Variants in ALPK2 observed in about 807,000 individuals in gnomAD.
ALPK2 encodes the protein alpha-protein kinase 2.
In ALPK2, 127 loss-of-function variants were observed where a neutral mutation model predicts 163.1. The ratio of observed to expected loss-of-function variants is 0.78; its 90% CI spans 0.67 to 0.90. The LOEUF is 0.90. ALPK2 is among the 40% of genes least tolerant of loss of function. The pLI, the probability that ALPK2 is intolerant of heterozygous loss-of-function variation, is 0.00. For synonymous variants in ALPK2, 953 were observed against 959.1 expected, an observed-to-expected ratio of 0.99 and a Z score of 0.12; for missense variants, 2,360 against 2,589.6, an observed-to-expected ratio of 0.91 and a Z score of 1.92.
chr18:58,609,490 A>G (rs2052116569), intron 2 of ALPK2, among the ~76,000 whole-genome samples: 1 of 152,188 alleles, frequency 6.6e-6, no homozygotes, highest in Non-Finnish European at 1.5e-5. Flanking sequence ...AAGAAAATAC[A>G]TAAAATATTC....
intron 1 of ALPK2, among the ~76,000 whole-genome samples, chr18:58,613,322 G>A (rs78842771): frequency 0.038 from 5,846 of 152,180 alleles, 135 homozygotes; most frequent in Middle Eastern, 0.061. Flanking sequence ...TGCAGGGCCC[G>A]GTTCAAGATG....
At chr18:58,620,214 C>T (rs572484183) in intron 1 of ALPK2, among the ~76,000 whole-genome samples, 111 of 152,086 alleles carry the variant, frequency 7.3e-4, no homozygotes, top group Non-Finnish European at 1.3e-3. Context: ...TTTCTTGAAC[C>T]CGGGAGGTGG....
rs1364746053 is a variant in ALPK2, at chr18:58,578,962, G to T, written c.1814C>A (p.Ser605Ter). 1.2e-6 allele frequency: 2 copies of T among 1,614,094 alleles called. No individual in the cohort carries two copies. The highest frequency in any genetic ancestry group is 1.7e-6 in the Non-Finnish European group (2 of 1,180,046). ...TTTTGCTTCTTGCTCTGCCTGGGTT[G>T]AAATAGCACATTCTCTTGCATCAGC... ...SHADARECAI[S>*]TQAEQEAKTL... The change falls in exon 4 of 13, where the codon TCA becomes TAA. Residue 605 changes from serine to a stop codon, truncating the protein, a stop_gained. Transcript: ENST00000361673. LOFTEE classifies it high-confidence loss of function.
intron 1 of ALPK2, among the ~76,000 whole-genome samples, chr18:58,615,466 A>G (rs2052161623): frequency 6.6e-6 from 1 of 152,202 alleles, no homozygotes; most frequent in African/African-American, 2.4e-5. Context: ...CTACCTTCTC[A>G]TCTGTAAAAG....
chr18:58,608,957 C>CAAAAA (rs1003841164), intron 2 of ALPK2, among the ~76,000 whole-genome samples: 1 of 117,076 alleles, frequency 8.5e-6, no homozygotes. Context: ...GACCTTGTCT[C>CAAAAA]AAAAAAAAAA....
At chr18:58,569,592 G>A (rs964475283) in intron 4 of ALPK2, among the ~76,000 whole-genome samples, 2 of 152,160 alleles carry the variant, frequency 1.3e-5, no homozygotes, top group African/African-American at 2.4e-5. Flanking sequence ...TACACCAAGA[G>A]TTGCACAACT....
intron 4 of ALPK2, among the ~76,000 whole-genome samples, chr18:58,560,168 G>A (rs141663203): frequency 5.1e-4 from 78 of 152,266 alleles, no homozygotes; most frequent in African/African-American, 1.7e-3. Context: ...GTTCTTTCCC[G>A]CACCGTTCTC....
rs1237158818 is a variant in ALPK2, at chr18:58,535,799, C to T, written c.4388G>A (p.Ser1463Asn). Residue 1463 changes from serine to asparagine, a missense_variant, in exon 5 of 13, where the codon AGT (serine) becomes AAT (asparagine). By Grantham distance (46) the Ser-to-Asn change is conservative. Transcript: ENST00000361673. Reference sequence around the variant, plus strand: ...TTGGCTTCTGCTGATTCTATTTTCACTCAGAATGGTTCCCTGGAGACATGG... The same window carrying T: ...TTGGCTTCTGCTGATTCTATTTTCATTCAGAATGGTTCCCTGGAGACATGG... ...QVPCLQGTIL[S>N]ENRISRSQEG... 3 of 1,614,140 alleles carry T rather than the reference C, an allele frequency of 1.9e-6. No individual in the cohort carries two copies. The highest frequency in any genetic ancestry group is 1.3e-5 in the African/African-American group (1 of 74,960).
At chr18:58,611,980 T>C (rs1281610307) in intron 1 of ALPK2, among the ~76,000 whole-genome samples, 163 bp from the exon 2 acceptor site, 1 of 152,214 alleles carries the variant, frequency 6.6e-6, no homozygotes, top group Non-Finnish European at 1.5e-5. Context: ...GTGGTGCTGC[T>C]GGTAGGTGGG....
At chr18:58,582,152 GCA>G (rs2051961990) in intron 3 of ALPK2, among the ~76,000 whole-genome samples, 1 of 152,192 alleles carries the variant, frequency 6.6e-6, no homozygotes, top group African/African-American at 2.4e-5. Flanking sequence ...TTGGCCAAGA[GCA>G]CACATAGAAT....
intron 3 of ALPK2, among the ~76,000 whole-genome samples, chr18:58,605,811 G>A (rs1052437545): frequency 2.2e-4 from 33 of 152,250 alleles, no homozygotes; most frequent in Admixed American, 2.1e-3. Context: ...TACTGGAGTG[G>A]TAAGGGGAAG....
At chr18:58,545,238 C>G (rs868854264) in intron 4 of ALPK2, 1 of 147,230 alleles carries the variant, frequency 6.8e-6, no homozygotes. Context: ...AAAAAAAACA[C>G]ACACACACAC....
At chr18:58,523,249 A>AT (rs1443406179) in intron 8 of ALPK2, among the ~76,000 whole-genome samples, 4 of 151,466 alleles carry the variant, frequency 2.6e-5, no homozygotes, top group African/African-American at 9.7e-5. Flanking sequence ...TGAACTCATC[A>AT]TTTTTTATGG....
intron 2 of ALPK2, among the ~76,000 whole-genome samples, chr18:58,608,206 A>C (rs1276399702): frequency 1.3e-5 from 2 of 152,372 alleles, no homozygotes; most frequent in African/African-American, 4.8e-5. Context: ...AGGAGAACAA[A>C]GTAGATTTGC....
chr18:58,499,436 T>C (rs1327874546), intron 11 of ALPK2, among the ~76,000 whole-genome samples: 1 of 152,172 alleles, frequency 6.6e-6, no homozygotes, highest in Non-Finnish European at 1.5e-5. Flanking sequence ...AGTCTCAGCC[T>C]GCATCCTGAA....
intron 12 of ALPK2, among the ~76,000 whole-genome samples, chr18:58,482,816 A>G (rs57807109): frequency 0.14 from 21,377 of 152,188 alleles, 1,628 homozygotes; most frequent in Middle Eastern, 0.24. Flanking sequence ...GTGCTCCTTG[A>G]ATGGACAGCT....
At chr18:58,578,759 C>A in intron 4 of ALPK2, 55 bp downstream of exon 4, 5 of 1,527,546 alleles carry the variant, frequency 3.3e-6, no homozygotes, top group Non-Finnish European at 4.4e-6. Flanking sequence ...CACACACACA[C>A]ACACACACAC....
chr18:58,578,738 A>ACACACGCGCGCACGCGCGCG (rs138127797), intron 4 of ALPK2, 76 bp downstream of exon 4: 76,865 of 891,360 alleles, frequency 0.086, 2,899 homozygotes, highest in East Asian at 0.2. Flanking sequence ...GAAGAGACAC[A>ACACACGCGCGCACGCGCGCG]CACACACACA....
chr18:58,537,360 T>A lies in ALPK2; in HGVS notation c.2827A>T (p.Thr943Ser), dbSNP rs765361855. 1 of 1,614,066 alleles carries A rather than the reference T, an allele frequency of 6.2e-7. No individual in the cohort carries two copies. Among genetic ancestry groups the A allele is most frequent in the Non-Finnish European group, 8.5e-7 (1 of 1,179,948 alleles). Residue 943 changes from threonine to serine, a missense_variant, in exon 5 of 13, where the codon ACA (threonine) becomes TCA (serine). Coordinates refer to ENST00000361673, the MANE Select transcript of ALPK2 (RefSeq NM_052947.4). ...TTGTTCTCAGAAGAAAGGAGCTGTG[T>A]TTCATCAAGCCCTCCTGAGTTGCTG... is the stretch of plus-strand genomic sequence containing the variant. Reference protein sequence around the residue: ...SPSNSGGLDETQLLSSENNPL... With the variant: ...SPSNSGGLDESQLLSSENNPL...
Sources: gnomAD v4.1 joint callset for allele counts (sites outside exome capture counted in the v4.1 genomes callset) on GRCh38, gnomAD v4.1.1 for gene constraint, MANE v1.5 for transcripts, NCBI Gene and HGNC (gene_info 2026-07-23, HGNC 2026-07-21) for gene names.